DAB1: variants seen among roughly 807,000 people sequenced by gnomAD.
DAB1 encodes DAB adaptor protein 1, also known as disabled homolog 1.
DAB1 carries 15 observed loss-of-function variants against 64.6 expected under a neutral mutation model. That is an observed-to-expected ratio of 0.23 (90% CI 0.16 to 0.36). The LOEUF (loss-of-function observed/expected upper bound fraction) is 0.36. Among genes scored for constraint, DAB1 ranks in the 10% least tolerant of loss-of-function variants. DAB1 has a pLI of 1.00. For missense variants in DAB1, 596 were observed against 706.7 expected, an observed-to-expected ratio of 0.84 and a Z score of 1.78; for synonymous variants, 235 against 251.9, an observed-to-expected ratio of 0.93 and a Z score of 0.64.
chr1:57,031,355 C>T (rs1455580132), intron 9 of DAB1, among the ~76,000 whole-genome samples: 1 of 152,114 alleles, frequency 6.6e-6, no homozygotes, highest in Non-Finnish European at 1.5e-5. Context: ...GCTAATAAAC[C>T]ATGTTCCATC....
intron 2 of DAB1, among the ~76,000 whole-genome samples, chr1:58,511,966 G>A (rs945071351): frequency 2.6e-5 from 4 of 152,036 alleles, no homozygotes; most frequent in Non-Finnish European, 5.9e-5. Flanking sequence ...AGAGTGAAAG[G>A]CAATCTACAG....
intron 11 of DAB1, among the ~76,000 whole-genome samples, chr1:57,018,709 T>A (rs1646512335): frequency 6.6e-6 from 1 of 152,212 alleles, no homozygotes; most frequent in South Asian, 2.1e-4. Context: ...TATTCCACCC[T>A]CCTTGCTGCC....
intron 5 of DAB1, among the ~76,000 whole-genome samples, chr1:58,075,545 T>C (rs540745689): frequency 2.3e-4 from 35 of 152,354 alleles, no homozygotes; most frequent in African/African-American, 7.9e-4. Flanking sequence ...TGTTGGCCTA[T>C]AGAAGGAGCA....
At chr1:57,314,878 G>A (rs1675061250) in intron 1 of DAB1, among the ~76,000 whole-genome samples, 1 of 152,002 alleles carries the variant, frequency 6.6e-6, no homozygotes, top group African/African-American at 2.4e-5. Context: ...AGAGAGGATG[G>A]ATCCATGGTT....
At chr1:57,516,952 T>C (rs1005303287) in intron 7 of DAB1, among the ~76,000 whole-genome samples, 1 of 152,158 alleles carries the variant, frequency 6.6e-6, no homozygotes. Flanking sequence ...AAATGAGAAA[T>C]AGGTTCTTGC....
At chr1:58,094,683 TC>T (rs1190505668) in intron 5 of DAB1, among the ~76,000 whole-genome samples, 2 of 152,232 alleles carry the variant, frequency 1.3e-5, no homozygotes, top group African/African-American at 4.8e-5. Flanking sequence ...CAAGAAATGG[TC>T]CTTTACCCAT....
At chr1:57,129,880 G>A (rs924354964) in intron 4 of DAB1, among the ~76,000 whole-genome samples, 2 of 152,030 alleles carry the variant, frequency 1.3e-5, no homozygotes, top group Non-Finnish European at 2.9e-5. Context: ...GTAAGCTGAC[G>A]TAGTCATTGT....
At chr1:57,448,410 C>A (rs946670886) in intron 7 of DAB1, among the ~76,000 whole-genome samples, 6 of 152,208 alleles carry the variant, frequency 3.9e-5, no homozygotes, top group Admixed American at 1.3e-4. Flanking sequence ...ACAACACAAA[C>A]TACTCTTCCC....
chr1:57,113,685 G>A (rs60411523), intron 4 of DAB1, among the ~76,000 whole-genome samples: 2,055 of 152,126 alleles, frequency 0.014, 45 homozygotes, highest in African/African-American at 0.047. Flanking sequence ...AAAAATGTAC[G>A]CTTGCAATCA....
intron 4 of DAB1, among the ~76,000 whole-genome samples, chr1:58,335,098 T>C (rs1158622620): frequency 6.6e-6 from 1 of 152,062 alleles, no homozygotes; most frequent in African/African-American, 2.4e-5. Context: ...TCAAATGAAA[T>C]CATATACGAT....
chr1:57,090,699 A>G (rs902530253), intron 4 of DAB1, among the ~76,000 whole-genome samples: 1 of 152,156 alleles, frequency 6.6e-6, no homozygotes, highest in African/African-American at 2.4e-5. Flanking sequence ...CCAAGAGATG[A>G]CAATATATTG....
At chr1:58,487,563 T>C (rs1645596680) in intron 3 of DAB1, among the ~76,000 whole-genome samples, 1 of 152,214 alleles carries the variant, frequency 6.6e-6, no homozygotes, top group Non-Finnish European at 1.5e-5. Context: ...TCTGAACTTC[T>C]GAAAAAATTC....
At chr1:57,726,033 T>A (rs1243851468) in intron 6 of DAB1, among the ~76,000 whole-genome samples, 1 of 152,156 alleles carries the variant, frequency 6.6e-6, no homozygotes, top group Non-Finnish European at 1.5e-5. Context: ...GGATTACAGG[T>A]GGGAGCCACC....
intron 5 of DAB1, among the ~76,000 whole-genome samples, chr1:57,963,110 A>T (rs1475873124): frequency 6.6e-6 from 1 of 152,160 alleles, no homozygotes; most frequent in Non-Finnish European, 1.5e-5. Context: ...TCAACCACAA[A>T]TTAAAATATC....
At chr1:57,202,627 T>C (rs1003159121) in intron 2 of DAB1, among the ~76,000 whole-genome samples, 7 of 152,192 alleles carry the variant, frequency 4.6e-5, no homozygotes, top group African/African-American at 1.7e-4. Flanking sequence ...AAATAAGATG[T>C]AGTAGTTATA....
rs576604839 is a variant in DAB1 at position 57,048,230 on chromosome 1, A to G, written c.723+14654T>C. ...CTGCAAAGCTCATACTCTCAACTGT[A>G]ATACCAAGTTCCCTATCAATTAACC... is the stretch of plus-strand genomic sequence containing the variant. On this transcript the variant is annotated intron_variant, in intron 9 of 14. Coordinates refer to ENST00000371236, the MANE Select transcript of DAB1 (RefSeq NM_001365792.1). Among the ~76,000 whole-genome samples the G allele has an allele frequency of 3.3e-5, 5 of 152,328 alleles. No homozygotes were observed. The South Asian group carries it at 1.0e-3, about 32-fold the overall frequency.
chr1:58,272,815 G>C (rs1302063793), intron 4 of DAB1, among the ~76,000 whole-genome samples: 2 of 150,542 alleles, frequency 1.3e-5, no homozygotes, highest in African/African-American at 4.9e-5. Flanking sequence ...TGTTTTATCA[G>C]AGACTAGGAT....
chr1:58,476,150 T>C (rs976617882), intron 3 of DAB1, among the ~76,000 whole-genome samples: 1 of 152,192 alleles, frequency 6.6e-6, no homozygotes, highest in Non-Finnish European at 1.5e-5. Context: ...GTCAGCTATG[T>C]TTAATATTTC....
chr1:57,658,389 C>G (rs184199056), intron 6 of DAB1, among the ~76,000 whole-genome samples: 1 of 151,012 alleles, frequency 6.6e-6, no homozygotes, highest in Non-Finnish European at 1.5e-5. Context: ...CTGCAAGCTC[C>G]GCCTCCCGGG....
Sources: allele counts gnomAD v4.1 joint callset (sites outside exome capture counted in the v4.1 genomes callset), GRCh38; gene constraint gnomAD v4.1.1; transcripts MANE v1.5; gene names NCBI Gene and HGNC (gene_info 2026-07-23, HGNC 2026-07-21).